TET3: variants seen among roughly 807,000 people sequenced by gnomAD.
TET3 encodes tet methylcytosine dioxygenase 3.
Under a neutral mutation model 141.4 loss-of-function variants are expected in TET3, and 19 were observed. That is an observed-to-expected ratio of 0.13 (90% CI 0.09 to 0.20). The LOEUF (loss-of-function observed/expected upper bound fraction) is 0.20, where lower values mean the gene tolerates loss of function less well. Ranked by LOEUF, TET3 falls within the 10% of genes least tolerant of loss-of-function variation. The pLI is 1.00. For synonymous variants in TET3, 1,043 were observed against 980.9 expected (o/e 1.06, Z -1.18); for missense variants, 1,874 against 2,356.9 (o/e 0.80, Z 4.24).
chr2:74,067,971 T>C (rs578218776), intron 4 of TET3, among the ~76,000 whole-genome samples: 15 of 152,208 alleles, frequency 9.9e-5, no homozygotes, highest in African/African-American at 3.6e-4. Context: ...AGATTTTTGT[T>C]TGGGGACTAT....
intron 2 of TET3, among the ~76,000 whole-genome samples, chr2:73,996,418 T>C (rs1684598037): frequency 6.6e-6 from 1 of 152,230 alleles, no homozygotes; most frequent in South Asian, 2.1e-4. Context: ...GCATAGGCAC[T>C]GCACAGACAG....
At position 74,042,564 on chromosome 2, in the gene TET3, T is replaced by A. The variant is rs139146965; in HGVS notation, c.361-3714T>A. Among the ~76,000 whole-genome samples, 11 of 152,342 alleles carry A rather than the reference T, an allele frequency of 7.2e-5. No individual in the cohort carries two copies. The East Asian group carries it at 1.9e-3, about 27-fold the overall frequency. On this transcript the variant is annotated intron_variant, in intron 3 of 11. Coordinates refer to ENST00000409262, the MANE Select transcript of TET3 (RefSeq NM_001287491.2). ...ACTTGTGGGAGATTTGGCCCGAAGC[T>A]CTCACCTTTGTGACCTGTCAGCCAC...
chr2:74,079,094 A>T (rs1411934137), intron 5 of TET3, among the ~76,000 whole-genome samples: 1 of 152,226 alleles, frequency 6.6e-6, no homozygotes, highest in Non-Finnish European at 1.5e-5. Context: ...CACACCTGTA[A>T]TCCCAGCACT....
chr2:74,034,575 TAA>T (rs57991784), intron 3 of TET3, among the ~76,000 whole-genome samples: 108 of 130,002 alleles, frequency 8.3e-4, no homozygotes, highest in African/African-American at 2.2e-3. Context: ...GAGCATTGAT[TAA>T]AAAAAAAAAA....
chr2:74,013,285 C>T (rs1410709288), intron 3 of TET3, among the ~76,000 whole-genome samples: 5 of 151,458 alleles, frequency 3.3e-5, no homozygotes, highest in Non-Finnish European at 7.4e-5. Flanking sequence ...TGAGCCACCG[C>T]GCCTGGCCTG....
At chr2:74,075,538 A>T (rs2103955969) in intron 5 of TET3, among the ~76,000 whole-genome samples, 1 of 151,924 alleles carries the variant, frequency 6.6e-6, no homozygotes, top group South Asian at 2.1e-4. Flanking sequence ...CATGTTGGCC[A>T]GGCTGGTCTC....
At chr2:74,123,525 G>A in the TET3 span, among the ~76,000 whole-genome samples, 13 of 152,222 alleles carry the variant, frequency 8.5e-5, no homozygotes, top group African/African-American at 2.7e-4. Context: ...GGGCAGGGGC[G>A]TGCAGGAGGG....
chr2:74,093,224 C>A lies in TET3; in HGVS notation c.3129+233C>A, dbSNP rs1690613031. Among the ~76,000 whole-genome samples the A allele has an allele frequency of 6.6e-6, 1 of 152,194 alleles. No homozygotes were observed. Among genetic ancestry groups the A allele is most frequent in the African/African-American group, 2.4e-5 (1 of 41,442 alleles). ...GGTCTTCTCCCTTCCCCTGGTAACC[C>A]ATCCACCTCCTCTGGTCTGGTATCC... On this transcript the variant is annotated intron_variant, in intron 9 of 11. Transcript: ENST00000409262. The surrounding 1 kb of genome is among the most constrained non-coding windows in gnomAD (Gnocchi z 4.2).
intron 3 of TET3, among the ~76,000 whole-genome samples, chr2:74,043,888 A>G (rs1042126575): frequency 6.6e-6 from 1 of 152,168 alleles, no homozygotes; most frequent in Admixed American, 6.5e-5. Flanking sequence ...GGCCAGACAC[A>G]GTGTCTCACA....
chr2:74,092,934 G>A lies in TET3; in HGVS notation c.3072G>A (p.Leu1024=). 6.3e-7 allele frequency: 1 copy of A among 1,591,306 alleles called. No individual in the cohort carries two copies. The highest frequency in any genetic ancestry group is 8.6e-7 in the Non-Finnish European group (1 of 1,169,116). The change falls in exon 9 of 12, where the codon CTG becomes CTA. Residue 1024 remains leucine, a synonymous_variant. Transcript: ENST00000409262. ...EEVLRKSFQD[L]ATEVAPLYKR... ...TGCTCCGGAAGAGTTTCCAGGACCT[G>A]GCCACCGAAGTCGCTCCCCTGTACA...
At chr2:74,069,114 A>G (rs1467687737) in intron 4 of TET3, among the ~76,000 whole-genome samples, 2 of 149,746 alleles carry the variant, frequency 1.3e-5, no homozygotes, top group Non-Finnish European at 1.5e-5. Context: ...TAAAACTTCC[A>G]TTTTTTTCCT....
chr2:74,116,837 G>A, the TET3 span, among the ~76,000 whole-genome samples: 1 of 152,180 alleles, frequency 6.6e-6, no homozygotes, highest in Non-Finnish European at 1.5e-5. Context: ...AGCACTTTGG[G>A]TGCGGCTAGG....
At chr2:73,995,749 G>A (rs1401825435) in intron 2 of TET3, among the ~76,000 whole-genome samples, 1 of 152,172 alleles carries the variant, frequency 6.6e-6, no homozygotes, top group East Asian at 1.9e-4. Context: ...GTGACCCTGT[G>A]TGGTCCCTGA....
intron 5 of TET3, among the ~76,000 whole-genome samples, chr2:74,074,550 C>T (rs779019523): frequency 5.9e-5 from 9 of 152,306 alleles, no homozygotes; most frequent in African/African-American, 1.9e-4. Flanking sequence ...ACTCTAAGTT[C>T]GAGTCTATGG....
rs558550757 is a variant in TET3, at chr2:73,985,634, C to T, written c.-424-346C>T. Among the ~76,000 whole-genome samples, 8 of 146,664 alleles carry T rather than the reference C, an allele frequency of 5.5e-5. No individual in the cohort carries two copies. The East Asian group carries it at 1.6e-3, about 30-fold the overall frequency. ...CTCTCAGCAAACTTTATTTTGAAAG[C>T]TCAGCTCCCTAGGGAGGGCCCGGCG... On this transcript the variant is annotated intron_variant, in intron 1 of 11. Coordinates refer to ENST00000409262, the MANE Select transcript of TET3 (RefSeq NM_001287491.2).
chr2:74,007,612 G>C (rs1029653745), intron 3 of TET3, among the ~76,000 whole-genome samples: 6 of 152,178 alleles, frequency 3.9e-5, no homozygotes, highest in Admixed American at 2.0e-4. Context: ...TGACTGAGAG[G>C]AGGAGGGTGA....
In TET3 at chr2:74,107,258, AGGCTTCTCCCCT is replaced by A. The variant is rs1342724169; in HGVS notation, c.*5084_*5095del. Reference sequence around the variant, plus strand: ...GAGCTGCAGGCAAGAGCAGAGCAATAGGCTTCTCCCCTGAGCAGAGACCGCAGCACAGAAATG... The same window carrying A: ...GAGCTGCAGGCAAGAGCAGAGCAATAGAGCAGAGACCGCAGCACAGAAATG... On this transcript the variant is annotated 3_prime_UTR_variant, in exon 12 of 12. Coordinates refer to ENST00000409262, the MANE Select transcript of TET3 (RefSeq NM_001287491.2). 6.6e-6 allele frequency: 1 copy of A among 152,272 alleles called. No individual in the cohort carries two copies. The highest frequency in any genetic ancestry group is 1.5e-5 in the Non-Finnish European group (1 of 68,046). 9.4% of individuals were successfully genotyped at this position (152,272 alleles called of 1,614,324 possible). A position where few individuals can be genotyped will look rare whatever the true frequency, so the allele number is the denominator to read the frequency against.
intron 2 of TET3, among the ~76,000 whole-genome samples, chr2:74,000,533 T>A (rs1684794098): frequency 6.6e-6 from 1 of 151,910 alleles, no homozygotes; most frequent in Non-Finnish European, 1.5e-5. Context: ...GCTTGCCAGG[T>A]CGGGGGAGGT....
At position 74,101,582 on chromosome 2, in the gene TET3, AGAG is replaced by A; in HGVS notation, c.4798_4800del (p.Glu1600del). Reference sequence around the variant, plus strand: ...AGAAGCTGTTTGGGGCTCTGAAGTCAGAGGAGAAGCTGTGGGACCCCTTCAGCC... The same window carrying A: ...AGAAGCTGTTTGGGGCTCTGAAGTCAGAGAAGCTGTGGGACCCCTTCAGCC... On this transcript the variant is annotated inframe_deletion, in exon 12 of 12. Coordinates refer to ENST00000409262, the MANE Select transcript of TET3 (RefSeq NM_001287491.2). This position sits in a 1 kb window ranked among gnomAD's most constrained non-coding sequence, Gnocchi z 8.5. 1 of 1,609,572 alleles carries A rather than the reference AGAG, an allele frequency of 6.2e-7. No individual in the cohort carries two copies. The highest frequency in any genetic ancestry group is 8.5e-7 in the Non-Finnish European group (1 of 1,177,790).
Sources: gnomAD v4.1 joint callset for allele counts (sites outside exome capture counted in the v4.1 genomes callset) on GRCh38, gnomAD v4.1.1 for gene constraint, Gnocchi (gnomAD v3.1) non-coding constraint, MANE v1.5 for transcripts, NCBI Gene and HGNC (gene_info 2026-07-23, HGNC 2026-07-21) for gene names.